The following ADGRL3 variants were observed in gnomAD, a reference collection of about 807,000 sequenced individuals.
ADGRL3 encodes adhesion G protein-coupled receptor L3.
A neutral mutation model predicts 153.5 loss-of-function variants in ADGRL3; 62 were observed. The ratio of observed to expected loss-of-function variants is 0.40; its 90% CI spans 0.33 to 0.50. ADGRL3 has a LOEUF of 0.50. ADGRL3 is among the 20% of genes least tolerant of loss of function. The probability of loss-of-function intolerance (pLI) is 0.47; values close to 1 mark genes in which losing one functional copy is unlikely to be tolerated. For missense variants in ADGRL3, 1,641 were observed against 1,859.4 expected (o/e 0.88, Z 2.16); for synonymous variants, 710 against 672.5 (o/e 1.06, Z -0.86).
intron 5 of ADGRL3, among the ~76,000 whole-genome samples, chr4:61,602,910 AT>A (rs1345004409): frequency 3.9e-5 from 6 of 152,196 alleles, no homozygotes; most frequent in Non-Finnish European, 5.9e-5. Flanking sequence ...AAAAGGGGCT[AT>A]ATTTTGAGCT....
rs796900439 is a variant in ADGRL3, at chr4:61,493,710, G to A, written c.-173-3411G>A. 4.6e-5 allele frequency among the ~76,000 whole-genome samples: 7 copies of A among 152,228 alleles called. 1 individual carries two copies. The highest frequency in any genetic ancestry group is 1.7e-4 in the African/African-American group (7 of 41,544). On this transcript the variant is annotated intron_variant, in intron 2 of 26. Coordinates refer to ENST00000683033, the MANE Select transcript of ADGRL3 (RefSeq NM_001387552.1). ...GCCTCATGTATCCATGCTGTTCCGG[G>A]TTCTCCACTCTTCACAATCAAATAA...
intron 1 of ADGRL3, among the ~76,000 whole-genome samples, chr4:61,335,664 G>A (rs2095660073): frequency 6.6e-6 from 1 of 152,148 alleles, no homozygotes; most frequent in South Asian, 2.1e-4. Context: ...ATGATTTGAG[G>A]AAATAGGAAT....
chr4:61,232,511 G>A lies in ADGRL3; in HGVS notation c.-240+30746G>A, dbSNP rs373642542. ...TTTAGTAGAGACAGGGTTTCACCAT[G>A]TTGGCCAGGCTGGTCTCAAACTCCT... On this transcript the variant is annotated intron_variant, in intron 1 of 26. Transcript: ENST00000683033. Among the ~76,000 whole-genome samples the A allele has an allele frequency of 4.6e-5, 7 of 152,140 alleles. No homozygotes were observed. The South Asian group carries it at 6.2e-4, about 14-fold the overall frequency.
intron 2 of ADGRL3, among the ~76,000 whole-genome samples, chr4:61,432,618 C>CT (rs2097376048): frequency 1.4e-5 from 1 of 70,816 alleles, no homozygotes; most frequent in African/African-American, 5.3e-5. Context: ...TTCTTTCTTT[C>CT]TTTCTTTCTT....
chr4:61,238,442 G>GGGGT (rs1753666105), intron 1 of ADGRL3, among the ~76,000 whole-genome samples: 4 of 147,460 alleles, frequency 2.7e-5, no homozygotes, highest in Non-Finnish European at 1.5e-5. Context: ...TCTAATGTGT[G>GGGGT]GTGTGTGTGT....
At chr4:61,454,660 T>A (rs575652768) in intron 2 of ADGRL3, among the ~76,000 whole-genome samples, 60 of 152,096 alleles carry the variant, frequency 3.9e-4, no homozygotes, top group Non-Finnish European at 7.5e-4. Flanking sequence ...TGTTTCTATG[T>A]GGATATGTAC....
In ADGRL3 at chr4:61,230,608, ACTCTGGC is replaced by A. The variant is rs557674645; in HGVS notation, c.-240+28847_-240+28853del. On this transcript the variant is annotated intron_variant, in intron 1 of 26. Coordinates refer to ENST00000683033, the MANE Select transcript of ADGRL3 (RefSeq NM_001387552.1). ...ACTATGTTGCCCAGGCTGTTCTTGA[ACTCTGGC>A]CTCAAGTCATCCTCCTGTTTCGGCC... is the stretch of plus-strand genomic sequence containing the variant. Among the ~76,000 whole-genome samples, 140 of 151,656 alleles carry A rather than the reference ACTCTGGC, an allele frequency of 9.2e-4. 1 individual carries two copies. The highest frequency in any genetic ancestry group is 3.2e-3 in the African/African-American group (134 of 41,338).
intron 6 of ADGRL3, among the ~76,000 whole-genome samples, chr4:61,727,963 G>A (rs949762744): frequency 9.9e-5 from 15 of 152,144 alleles, no homozygotes; most frequent in African/African-American, 3.4e-4. Context: ...TAGTGTGCTT[G>A]TTTCTTGTAT....
chr4:62,063,261 A>G (rs1741157152), intron 25 of ADGRL3, among the ~76,000 whole-genome samples: 1 of 152,040 alleles, frequency 6.6e-6, no homozygotes. Context: ...GGGAAAGATA[A>G]AACCTTAAAT....
chr4:61,333,263 A>G (rs575302363), intron 1 of ADGRL3, among the ~76,000 whole-genome samples: 1 of 152,182 alleles, frequency 6.6e-6, no homozygotes, highest in Non-Finnish European at 1.5e-5. Context: ...TAGCTATATT[A>G]TATAAGGTCT....
At chr4:61,711,398 T>A (rs2151471504) in intron 6 of ADGRL3, among the ~76,000 whole-genome samples, 1 of 144,004 alleles carries the variant, frequency 6.9e-6, no homozygotes, top group East Asian at 2.1e-4. Flanking sequence ...GAAGTGAAGA[T>A]CCAATTGGCA....
At chr4:61,443,119 A>G (rs2097544645) in intron 2 of ADGRL3, among the ~76,000 whole-genome samples, 3 of 152,312 alleles carry the variant, frequency 2.0e-5, no homozygotes, top group South Asian at 2.1e-4. Flanking sequence ...AGTGAGTTTT[A>G]TATCAATAGA....
chr4:61,353,629 C>T (rs1284811627), intron 1 of ADGRL3, among the ~76,000 whole-genome samples: 5 of 80,024 alleles, frequency 6.2e-5, no homozygotes, highest in African/African-American at 1.8e-4. Context: ...TTTGTAGAAA[C>T]GAGGTCTCAC....
chr4:61,854,713 G>A (rs939079156), intron 9 of ADGRL3, among the ~76,000 whole-genome samples: 6 of 152,116 alleles, frequency 3.9e-5, no homozygotes, highest in Non-Finnish European at 7.4e-5. Context: ...AGAATACAGT[G>A]AGGAAAGAGG....
intron 21 of ADGRL3, among the ~76,000 whole-genome samples, chr4:62,019,567 T>G (rs1384140377): frequency 6.6e-6 from 1 of 152,140 alleles, no homozygotes; most frequent in African/African-American, 2.4e-5. Context: ...CTCATTGACT[T>G]TTTTAAGAAG....
At chr4:61,361,386 T>C (rs182894346) in intron 1 of ADGRL3, among the ~76,000 whole-genome samples, 20 of 152,154 alleles carry the variant, frequency 1.3e-4, no homozygotes, top group Admixed American at 1.2e-3. Context: ...AAAAGCATCA[T>C]TGAAATATCT....
At chr4:61,285,770 A>T (rs960798710) in intron 1 of ADGRL3, among the ~76,000 whole-genome samples, 2 of 151,776 alleles carry the variant, frequency 1.3e-5, no homozygotes, top group African/African-American at 4.8e-5. Flanking sequence ...ACTTGAATTC[A>T]CTTAATATGG....
intron 11 of ADGRL3, among the ~76,000 whole-genome samples, chr4:61,900,260 A>G (rs1406554226): frequency 6.6e-6 from 1 of 152,190 alleles, no homozygotes; most frequent in Non-Finnish European, 1.5e-5. Flanking sequence ...TAGTTCAAAA[A>G]AGAAATTTTA....
At chr4:61,379,285 A>T (rs569448740) in intron 1 of ADGRL3, among the ~76,000 whole-genome samples, 1 of 151,996 alleles carries the variant, frequency 6.6e-6, no homozygotes, top group Non-Finnish European at 1.5e-5. Flanking sequence ...TGTGATAATT[A>T]TGTCTATTTT....
Sources: gnomAD v4.1 joint callset for allele counts (sites outside exome capture counted in the v4.1 genomes callset) on GRCh38, gnomAD v4.1.1 for gene constraint, MANE v1.5 for transcripts, NCBI Gene and HGNC (gene_info 2026-07-23, HGNC 2026-07-21) for gene names.